The following GAREM1 variants were observed in gnomAD, a reference collection of about 807,000 sequenced individuals.
The protein encoded by GAREM1 is GRB2-associated and regulator of MAPK protein 1.
Under a neutral mutation model 71.3 loss-of-function variants are expected in GAREM1, and 26 were observed. That is an observed-to-expected ratio of 0.36 (90% confidence interval 0.27 to 0.51). The LOEUF (loss-of-function observed/expected upper bound fraction) is 0.51, where lower values mean the gene tolerates loss of function less well. Among genes scored for constraint, GAREM1 ranks in the 20% least tolerant of loss-of-function variants. The pLI is 0.95. For synonymous variants in GAREM1, 440 were observed against 433.2 expected, an observed-to-expected ratio of 1.02 and a Z score of -0.20; for missense variants, 1,026 against 1,103.1, an observed-to-expected ratio of 0.93 and a Z score of 0.99.
At chr18:32,398,278 C>T (rs11504782) in intron 1 of GAREM1, among the ~76,000 whole-genome samples, 20,310 of 151,890 alleles carry the variant, frequency 0.13, 1,576 homozygotes, top group African/African-American at 0.21. Flanking sequence ...AGCAAACACA[C>T]TCAAAAGCTA....
At position 32,385,219 on chromosome 18, in the gene GAREM1, T is replaced by TC. The variant is rs550873480; in HGVS notation, c.262+7675dup. ...AATAAAATTTTTATATTTACTTTGC[T>TC]CCCCCCAAATCAAATGTCACTGGTT... On this transcript the variant is annotated intron_variant, in intron 2 of 5. Coordinates refer to ENST00000269209, the MANE Select transcript of GAREM1 (RefSeq NM_001242409.2). Among the ~76,000 whole-genome samples the TC allele has an allele frequency of 7.6e-4, 116 of 151,866 alleles. 1 individual carries two copies. In the East Asian group the frequency reaches 0.018, roughly 24 times the overall value.
chr18:32,360,621 G>C (rs990251635), intron 2 of GAREM1, among the ~76,000 whole-genome samples: 1 of 152,050 alleles, frequency 6.6e-6, no homozygotes, highest in Non-Finnish European at 1.5e-5. Context: ...AGTTATGCCT[G>C]GCCAGCAAAC....
intron 3 of GAREM1, among the ~76,000 whole-genome samples, chr18:32,290,779 T>A (rs1022029574): frequency 5.9e-5 from 9 of 152,094 alleles, no homozygotes; most frequent in Non-Finnish European, 1.0e-4. Flanking sequence ...AAAATTATAC[T>A]AAGATACCAC....
In GAREM1 at chr18:32,287,515, C is replaced by T. The variant is rs1175662517; in HGVS notation, c.1082G>A (p.Arg361Gln). The T allele has an allele frequency of 4.3e-6, 7 of 1,614,182 alleles. No homozygotes were observed. The highest frequency in any genetic ancestry group is 1.1e-5 in the South Asian group (1 of 91,072). ...GGGCACGTGGTTGTGGCCAGAGCAC[C>T]GACCCTTCTTGGGGCTCTTGCATTC... Reference protein sequence around the residue: ...NEECKSPKKGRCSGHNHVPNS... With the variant: ...NEECKSPKKGQCSGHNHVPNS... Residue 361 changes from arginine to glutamine, a missense_variant, in exon 4 of 6, where the codon CGG becomes CAG. Coordinates refer to ENST00000269209, the MANE Select transcript of GAREM1 (RefSeq NM_001242409.2). This position sits in a 1 kb window ranked among gnomAD's most constrained non-coding sequence, Gnocchi z 5.9.
intron 1 of GAREM1, among the ~76,000 whole-genome samples, chr18:32,448,200 G>C (rs1268208257): frequency 6.6e-6 from 1 of 152,098 alleles, no homozygotes; most frequent in Non-Finnish European, 1.5e-5. Flanking sequence ...GGTGGTCCAT[G>C]AATACTTTGA....
intron 1 of GAREM1, among the ~76,000 whole-genome samples, chr18:32,457,556 A>G (rs927714619): frequency 6.6e-6 from 1 of 151,880 alleles, no homozygotes; most frequent in South Asian, 2.1e-4. Context: ...GAAACAGAAG[A>G]TGGGGGAGGG....
At chr18:32,332,220 C>A (rs1410906151) in intron 2 of GAREM1, among the ~76,000 whole-genome samples, 1 of 151,742 alleles carries the variant, frequency 6.6e-6, no homozygotes, top group Non-Finnish European at 1.5e-5. Context: ...TCTTTGCCTA[C>A]CAGGTTTTAA....
chr18:32,312,406 A>G (rs1244267828), intron 2 of GAREM1, among the ~76,000 whole-genome samples: 1 of 152,160 alleles, frequency 6.6e-6, no homozygotes, highest in African/African-American at 2.4e-5. Context: ...TGGGTGTCAA[A>G]TGCTGCTTAC....
At chr18:32,282,426 A>T (rs1168648134) in intron 4 of GAREM1, among the ~76,000 whole-genome samples, 1 of 152,188 alleles carries the variant, frequency 6.6e-6, no homozygotes, top group Non-Finnish European at 1.5e-5. Flanking sequence ...CTCCGTCTAA[A>T]AAAAAAAGAA....
rs2047027337 is a variant in GAREM1, at chr18:32,287,112, G to GT, written c.1484_1485insA (p.Ile496HisfsTer26). On this transcript the variant is annotated frameshift_variant, in exon 4 of 6. Transcript: ENST00000269209. LOFTEE classifies it high-confidence loss of function. This position sits in a 1 kb window ranked among gnomAD's most constrained non-coding sequence, Gnocchi z 5.9. ...CTGCTGCTCCCAGAGTCCCAGGGAT[G>GT]GGAAGAGGAGAAGTCGCACATTTGG... 1 of 1,614,048 alleles carries GT rather than the reference G, an allele frequency of 6.2e-7. No homozygotes were observed. Among genetic ancestry groups the GT allele is most frequent in the African/African-American group, 1.3e-5 (1 of 74,942 alleles).
intron 1 of GAREM1, among the ~76,000 whole-genome samples, chr18:32,395,856 G>C (rs1245687988): frequency 6.6e-6 from 1 of 152,190 alleles, no homozygotes; most frequent in Non-Finnish European, 1.5e-5. Context: ...AGAATGGACA[G>C]ACTGCCTCCT....
intron 1 of GAREM1, among the ~76,000 whole-genome samples, chr18:32,426,662 C>G (rs1204305976): frequency 6.6e-6 from 1 of 152,168 alleles, no homozygotes; most frequent in East Asian, 1.9e-4. Flanking sequence ...ACAATTCAAT[C>G]AACTCCACCA....
intron 1 of GAREM1, among the ~76,000 whole-genome samples, chr18:32,411,378 T>C (rs2048414167): frequency 6.6e-6 from 1 of 152,190 alleles, no homozygotes; most frequent in South Asian, 2.1e-4. Flanking sequence ...TAGCTTCCTT[T>C]GAACTTTATT....
intron 1 of GAREM1, among the ~76,000 whole-genome samples, chr18:32,396,199 C>T (rs146231106): frequency 7.4e-4 from 112 of 152,232 alleles, no homozygotes; most frequent in Non-Finnish European, 1.3e-3. Flanking sequence ...TAGATAAAAC[C>T]ACAAAGATGG....
chr18:32,284,691 A>G (rs1037027237), intron 4 of GAREM1, among the ~76,000 whole-genome samples: 1 of 152,040 alleles, frequency 6.6e-6, no homozygotes. Flanking sequence ...CATGAAATAC[A>G]TAGCTGAATT....
intron 1 of GAREM1, among the ~76,000 whole-genome samples, chr18:32,419,164 C>G (rs2048496215): frequency 6.6e-6 from 1 of 152,184 alleles, no homozygotes; most frequent in African/African-American, 2.4e-5. Context: ...TTCTCAGCAC[C>G]AGAAAACCTG....
At position 32,270,309 on chromosome 18, in the gene GAREM1, G is replaced by A. The variant is rs746897782; in HGVS notation, c.1641C>T (p.Pro547=). The change falls in exon 5 of 6, where the codon CCC becomes CCT. Residue 547 remains proline (P), a synonymous_variant. Coordinates refer to ENST00000269209, the MANE Select transcript of GAREM1 (RefSeq NM_001242409.2). ...GCTTGACTGTGCGAGGAGGGATGGA[G>A]GGACTGGTGGACAAAGGCTTTGCGC... ...PRSAKPLSTS[P]SIPPRTVKPA... is the part of the protein sequence containing the mutation. 1 of 1,614,058 alleles carries A rather than the reference G, an allele frequency of 6.2e-7. No individual in the cohort carries two copies. The highest frequency in any genetic ancestry group is 2.2e-5 in the East Asian group (1 of 44,864).
At position 32,392,909 on chromosome 18, in the gene GAREM1, G is replaced by A. The variant is rs1231949829; in HGVS notation, c.248C>T (p.Pro83Leu). ...HYVIGPKIEI[P>L]VHYAGQFKLL... is the part of the protein sequence containing the mutation. ...AGGAGTCTTACCTGCATAATGTACC[G>A]GAATCTCTATCTTTGGCCCAATGAC... The change falls in exon 2 of 6, where the codon CCG becomes CTG. Residue 83 changes from proline to leucine, a missense_variant. Physicochemically the swap from Pro to Leu is moderately conservative, Grantham distance 98. Around this residue, in one of 3 missense-constraint regions of GAREM1, gnomAD observed 172 missense variants for 175.2 expected, o/e 0.98. Transcript: ENST00000269209. The A allele has an allele frequency of 3.7e-6, 6 of 1,613,630 alleles. No individual in the cohort carries two copies. Among genetic ancestry groups the A allele is most frequent in the South Asian group, 2.2e-5 (2 of 91,040 alleles).
chr18:32,470,028 G>A lies in GAREM1; in HGVS notation c.121+280C>T, dbSNP rs1313859218. Among the ~76,000 whole-genome samples the A allele has an allele frequency of 6.6e-6, 1 of 152,178 alleles. No individual in the cohort carries two copies. The highest frequency in any genetic ancestry group is 1.5e-5 in the Non-Finnish European group (1 of 68,032). ...AGGAGGGTGGGGAGGGATATCTGGC[G>A]TCCAAGATTACGATCTGCAGAGGTC... On this transcript the variant is annotated intron_variant, in intron 1 of 5. Transcript: ENST00000269209. This position sits in a 1 kb window ranked among gnomAD's most constrained non-coding sequence, Gnocchi z 4.4.
Sources: allele counts gnomAD v4.1 joint callset (sites outside exome capture counted in the v4.1 genomes callset), GRCh38; gene constraint gnomAD v4.1.1; regional missense constraint gnomAD v4.1.1; non-coding constraint Gnocchi (gnomAD v3.1); transcripts MANE v1.5; gene names NCBI Gene and HGNC (gene_info 2026-07-23, HGNC 2026-07-21).